Variants in INPP5D observed in about 807,000 individuals in gnomAD.
INPP5D encodes inositol polyphosphate-5-phosphatase D, also known as phosphatidylinositol 3,4,5-trisphosphate 5-phosphatase 1.
A neutral mutation model predicts 122.9 loss-of-function variants in INPP5D; 33 were observed. The observed-to-expected ratio is 0.27, with a 90% CI of 0.20 to 0.36. The LOEUF (loss-of-function observed/expected upper bound fraction) is 0.36, where lower values mean the gene tolerates loss of function less well. Among genes scored for constraint, INPP5D ranks in the 10% least tolerant of loss-of-function variants. INPP5D has a pLI of 1.00. For missense variants in INPP5D, 1,053 were observed against 1,412.7 expected (o/e 0.75, Z 4.08); for synonymous variants, 584 against 576.2 (o/e 1.01, Z -0.19).
chr2:233,088,910 G>A (rs568769901), intron 2 of INPP5D, among the ~76,000 whole-genome samples: 6 of 152,306 alleles, frequency 3.9e-5, no homozygotes, highest in East Asian at 1.9e-4. Context: ...CTGCCCGATC[G>A]GGGCCCAGGC....
At chr2:233,140,447 A>T (rs1693610257) in intron 6 of INPP5D, 1 of 152,278 alleles carries the variant, frequency 6.6e-6, no homozygotes, top group Non-Finnish European at 1.5e-5. Flanking sequence ...GCTGTATCTC[A>T]GAAGAAAATA....
chr2:233,065,138 G>A (rs757640658), intron 1 of INPP5D, among the ~76,000 whole-genome samples: 3 of 152,118 alleles, frequency 2.0e-5, no homozygotes, highest in South Asian at 2.1e-4. Context: ...GTGAAGTGAC[G>A]CAGAGCAAGC....
rs564905424 is a variant in INPP5D, at chr2:233,187,750, G to C, written c.2358+1825G>C. On this transcript the variant is annotated intron_variant, in intron 21 of 26. Coordinates refer to ENST00000445964, the MANE Select transcript of INPP5D (RefSeq NM_001017915.3). ...AGTCCCTGTTCTGGGGCTGTCTTCA[G>C]GCCCCTGAGTCGTGGGGGCTCTGGG... is the stretch of plus-strand genomic sequence containing the variant. 1.1e-4 allele frequency among the ~76,000 whole-genome samples: 16 copies of C among 152,290 alleles called. No homozygotes were observed. The South Asian group carries it at 3.3e-3, about 32-fold the overall frequency.
In INPP5D at chr2:233,134,685, T is replaced by A. The variant is rs142704945; in HGVS notation, c.665+4037T>A. Among the ~76,000 whole-genome samples the A allele has an allele frequency of 7.2e-3, 1,099 of 152,308 alleles. 19 individuals carry two copies. The highest frequency in any genetic ancestry group is 0.025 in the African/African-American group (1,057 of 41,558). On this transcript the variant is annotated intron_variant, in intron 5 of 26. Transcript: ENST00000445964. ...AATAAGGAACCAGAGACTGGAAATA[T>A]TTGGTAACTCCTGAAATGGAGACAC...
Position 233,204,656 on chromosome 2 carries a change from A to C in INPP5D, c.3506A>C (p.His1169Pro). ...TACCGCGACAACACCGAGCTCCCGC[A>C]TCACGGCAAGCACCGGCCGGAGGAG... ...RDYRDNTELPHHGKHRPEEGP... is the reference protein window; with the variant it reads ...RDYRDNTELPPHGKHRPEEGP... Residue 1169 changes from histidine (H) to proline (P), a missense_variant, in exon 26 of 27, where the codon CAT becomes CCT. Physicochemically the swap from His to Pro is moderately conservative, Grantham distance 77 (BLOSUM62 -2). This residue lies in a region of INPP5D where 417 missense variants were observed against 425.8 expected (regional missense o/e 0.98). Transcript: ENST00000445964. 4 of 1,581,866 alleles carry C rather than the reference A, an allele frequency of 2.5e-6. No homozygotes were observed. The highest frequency in any genetic ancestry group is 1.8e-5 in the Admixed American group (1 of 56,692).
At chr2:233,141,432 TG>T (rs1340006683) in intron 6 of INPP5D, 7 of 151,814 alleles carry the variant, frequency 4.6e-5, no homozygotes, top group Admixed American at 3.3e-4. Context: ...CCAGGTGTGG[TG>T]GCGGGCGCCT....
intron 5 of INPP5D, 189 bp downstream of exon 5, chr2:233,130,837 A>G (rs1693303614): frequency 2.7e-6 from 2 of 747,596 alleles, no homozygotes; most frequent in Admixed American, 2.0e-5. Flanking sequence ...GAATTTGAAC[A>G]GTAGCTTGTG....
At chr2:233,186,702 T>C (rs1385669243) in intron 21 of INPP5D, among the ~76,000 whole-genome samples, 5 of 34,248 alleles carry the variant, frequency 1.5e-4, no homozygotes, top group Admixed American at 3.2e-4. Flanking sequence ...TTTTTTTTTT[T>C]TTTTTTTTTT....
At position 233,195,456 on chromosome 2, in the gene INPP5D, C is replaced by G. The variant is rs201252871; in HGVS notation, c.2654C>G (p.Thr885Ser). 1 of 1,613,882 alleles carries G rather than the reference C, an allele frequency of 6.2e-7. No individual in the cohort carries two copies. Among genetic ancestry groups the G allele is most frequent in the South Asian group, 1.1e-5 (1 of 91,076 alleles). ...GGGCCAAAGACCCTGAAGAGCCTCA[C>G]CAGCCACGACCCCATGAAGCAGTGG... ...SSGPKTLKSL[T>S]SHDPMKQWEV... The change falls in exon 24 of 27, where the codon ACC becomes AGC. Residue 885 changes from threonine (T) to serine (S), a missense_variant. Thr to Ser is a moderately conservative substitution (Grantham distance 58, BLOSUM62 1). This residue lies in a region of INPP5D where 417 missense variants were observed against 425.8 expected (regional missense o/e 0.98). Transcript: ENST00000445964.
chr2:233,186,826 G>A (rs1417171861), intron 21 of INPP5D, among the ~76,000 whole-genome samples: 2 of 145,128 alleles, frequency 1.4e-5, no homozygotes, highest in East Asian at 2.1e-4. Flanking sequence ...AGGTTCAAGC[G>A]ATTCTCCTGC....
chr2:233,178,998 C>T (rs2106311007), intron 18 of INPP5D, among the ~76,000 whole-genome samples: 1 of 152,230 alleles, frequency 6.6e-6, no homozygotes, highest in Non-Finnish European at 1.5e-5. Context: ...TGCCTGTCTC[C>T]TCCTACTGCC....
intron 1 of INPP5D, among the ~76,000 whole-genome samples, chr2:233,063,959 C>A (rs924855156): frequency 6.6e-6 from 1 of 152,274 alleles, no homozygotes; most frequent in African/African-American, 2.4e-5. Context: ...TCTCCTGCCA[C>A]GCAGGGGCCA....
At chr2:233,124,231 C>G (rs1254112195) in intron 3 of INPP5D, among the ~76,000 whole-genome samples, 1 of 152,132 alleles carries the variant, frequency 6.6e-6, no homozygotes, top group East Asian at 1.9e-4. Flanking sequence ...CCAGGTCCCC[C>G]AGGCTCTCCC....
intron 1 of INPP5D, among the ~76,000 whole-genome samples, chr2:233,070,053 T>C (rs1055192488): frequency 1.3e-5 from 2 of 152,236 alleles, no homozygotes; most frequent in African/African-American, 4.8e-5. Flanking sequence ...TTCATTTTGA[T>C]TTGCATTTGA....
At chr2:233,073,204 G>C (rs897585253) in intron 1 of INPP5D, among the ~76,000 whole-genome samples, 1 of 152,206 alleles carries the variant, frequency 6.6e-6, no homozygotes, top group Non-Finnish European at 1.5e-5. Flanking sequence ...AGGGGAGGCA[G>C]GGAGAGGCTG....
intron 2 of INPP5D, among the ~76,000 whole-genome samples, chr2:233,111,962 G>A (rs994401007): frequency 1.3e-5 from 2 of 150,246 alleles, no homozygotes; most frequent in Non-Finnish European, 3.0e-5. Context: ...ACTTGGGGGG[G>A]CTGAGGTGTG....
rs766394970 is a variant in INPP5D at position 233,125,836 on chromosome 2, C to A, written c.441C>A (p.Asn147Lys). The change falls in exon 4 of 27, where the codon AAC becomes AAA. Residue 147 changes from asparagine to lysine, a missense_variant. Asn to Lys is a moderately conservative substitution (Grantham distance 94). Around this residue, in one of 6 missense-constraint regions of INPP5D, gnomAD observed 196 missense variants for 175.6 expected, o/e 1.12. Coordinates refer to ENST00000445964, the MANE Select transcript of INPP5D (RefSeq NM_001017915.3). The part of the protein sequence containing the change: ...SCEAKEVPFS[N>K]ENPRATETSR... ...AGGCCAAGGAGGTTCCTTTTTCAAA[C>A]GAGAATCCCCGAGCGACCGAGACCA... 1.9e-6 allele frequency: 3 copies of A among 1,613,692 alleles called. No individual in the cohort carries two copies. Among genetic ancestry groups the A allele is most frequent in the Non-Finnish European group, 8.5e-7 (1 of 1,179,842 alleles).
At chr2:233,131,849 T>C (rs1459173333) in intron 5 of INPP5D, among the ~76,000 whole-genome samples, 1 of 152,258 alleles carries the variant, frequency 6.6e-6, no homozygotes, top group East Asian at 1.9e-4. Context: ...TTTCTGGGGC[T>C]GTTTCAATCT....
At chr2:233,186,071 C>T (rs1694905705) in intron 21 of INPP5D, 146 bp downstream of exon 21, 3 of 1,213,970 alleles carry the variant, frequency 2.5e-6, no homozygotes, top group Non-Finnish European at 3.2e-6. Flanking sequence ...ACTCTAGGAG[C>T]AAGCTCTCGC....
Sources: gnomAD v4.1 joint callset for allele counts (sites outside exome capture counted in the v4.1 genomes callset) on GRCh38, gnomAD v4.1.1 for gene constraint, gnomAD v4.1.1 regional missense constraint, MANE v1.5 for transcripts, NCBI Gene and HGNC (gene_info 2026-07-23, HGNC 2026-07-21) for gene names.